The following MCU variants were observed in gnomAD, a reference collection of about 807,000 sequenced individuals.
MCU encodes mitochondrial calcium uniporter.
A neutral mutation model predicts 45.2 loss-of-function variants in MCU; 12 were observed. The observed-to-expected ratio is 0.27, with a 90% CI of 0.17 to 0.43. The LOEUF is 0.43. Ranked by LOEUF, MCU falls within the 20% of genes least tolerant of loss-of-function variation. The pLI, the probability that MCU is intolerant of heterozygous loss-of-function variation, is 1.00. For synonymous variants in MCU, 160 were observed against 165.1 expected, an observed-to-expected ratio of 0.97 and a Z score of 0.24; for missense variants, 324 against 436.7, an observed-to-expected ratio of 0.74 and a Z score of 2.30.
chr10:72,693,197 TGTGA>T (rs1371847603), intron 1 of MCU: 291 of 840,722 alleles, frequency 3.5e-4, no homozygotes, highest in East Asian at 8.3e-4. Context: ...TGTGTGTGTG[TGTGA>T]GAGAGAGAGA....
chr10:72,786,778 A>C (rs1453639075), intron 1 of MCU, among the ~76,000 whole-genome samples: 1 of 152,064 alleles, frequency 6.6e-6, no homozygotes, highest in East Asian at 1.9e-4. Context: ...TAAATAAATA[A>C]AGTATTTTGA....
intron 1 of MCU, among the ~76,000 whole-genome samples, chr10:72,711,408 A>G (rs937101996): frequency 2.6e-5 from 4 of 151,704 alleles, no homozygotes; most frequent in African/African-American, 9.7e-5. Context: ...TTCAGTAGAC[A>G]TGAGGTTTTG....
At chr10:72,733,888 G>A (rs1443575940) in intron 1 of MCU, among the ~76,000 whole-genome samples, 2 of 151,464 alleles carry the variant, frequency 1.3e-5, no homozygotes, top group African/African-American at 4.8e-5. Flanking sequence ...GCTTATTGGA[G>A]AAAATTTGGA....
chr10:72,747,914 GGAAA>G (rs1286199995), intron 1 of MCU, among the ~76,000 whole-genome samples: 1 of 151,410 alleles, frequency 6.6e-6, no homozygotes, highest in Non-Finnish European at 1.5e-5. Flanking sequence ...TTTAAAAAGT[GGAAA>G]GAAACAAGTA....
chr10:72,708,610 A>T (rs1842852401), intron 1 of MCU, among the ~76,000 whole-genome samples: 1 of 152,114 alleles, frequency 6.6e-6, no homozygotes, highest in Admixed American at 6.6e-5. Flanking sequence ...AATGAGAGTC[A>T]AATAGTCCTG....
chr10:72,742,723 A>C (rs567702134), intron 1 of MCU, among the ~76,000 whole-genome samples: 1 of 152,176 alleles, frequency 6.6e-6, no homozygotes, highest in African/African-American at 2.4e-5. Context: ...TATGTGGCCC[A>C]TGGGCAGGGG....
At chr10:72,879,026 G>C (rs1390989736) in intron 6 of MCU, among the ~76,000 whole-genome samples, 1 of 152,206 alleles carries the variant, frequency 6.6e-6, no homozygotes, top group Non-Finnish European at 1.5e-5. Context: ...CACTTTGGGA[G>C]CCCAAGGTGG....
intron 2 of MCU, among the ~76,000 whole-genome samples, chr10:72,834,929 G>C (rs563997409): frequency 3.3e-4 from 50 of 152,182 alleles, no homozygotes; most frequent in Admixed American, 9.8e-4. Flanking sequence ...TGGGATTATA[G>C]GCATGAGCCA....
rs114639271 is a variant in MCU at position 72,778,678 on chromosome 10, C to T, written c.151-55681C>T. Reference sequence around the variant, plus strand: ...CAATATTCATAATTAAAATGTCCCACAGGCATTAAAAAATATCATGCATGG... The same window carrying T: ...CAATATTCATAATTAAAATGTCCCATAGGCATTAAAAAATATCATGCATGG... On this transcript the variant is annotated intron_variant, in intron 1 of 7. Transcript: ENST00000373053. Among the ~76,000 whole-genome samples the T allele has an allele frequency of 3.9e-3, 599 of 152,220 alleles. 2 individuals are homozygous for T. The highest frequency in any genetic ancestry group is 0.014 in the African/African-American group (571 of 41,524).
Position 72,884,389 on chromosome 10 carries a change from T to A in MCU, c.978+7T>A. The A allele has an allele frequency of 6.7e-7, 1 of 1,487,274 alleles. No individual in the cohort carries two copies. The highest frequency in any genetic ancestry group is 9.4e-7 in the Non-Finnish European group (1 of 1,066,158). 92.1% of individuals were successfully genotyped at this position (1,487,274 alleles called of 1,614,324 possible). A position where few individuals can be genotyped will look rare whatever the true frequency, so the allele number is the denominator to read the frequency against. The stretch of plus-strand genomic sequence containing the variant: ...CAAGGATGCAATTGCTCAGGTAAGT[T>A]TTACAAAAATTAAAATAAATCCCAG... On this transcript the variant is annotated splice_region_variant and intron_variant, in intron 7 of 7. Coordinates refer to ENST00000373053, the MANE Select transcript of MCU (RefSeq NM_138357.3).
intron 1 of MCU, among the ~76,000 whole-genome samples, chr10:72,705,942 C>T (rs372336781): frequency 6.6e-6 from 1 of 151,946 alleles, no homozygotes; most frequent in East Asian, 1.9e-4. Flanking sequence ...GAGATCAAAC[C>T]ACAACACTCC....
At position 72,852,529 on chromosome 10, in the gene MCU, C is replaced by T. The variant is rs528495606; in HGVS notation, c.221-6648C>T. On this transcript the variant is annotated intron_variant, in intron 2 of 7. Coordinates refer to ENST00000373053, the MANE Select transcript of MCU (RefSeq NM_138357.3). ...TATCTGAAACAACTGTTTTCAGACA[C>T]TGGACAATAGGCACACAGGACTGTG... 7.2e-5 allele frequency among the ~76,000 whole-genome samples: 11 copies of T among 152,332 alleles called. No homozygotes were observed. The East Asian group carries it at 2.1e-3, about 29-fold the overall frequency.
At chr10:72,814,235 T>C (rs1844591140) in intron 1 of MCU, among the ~76,000 whole-genome samples, 1 of 152,206 alleles carries the variant, frequency 6.6e-6, no homozygotes, top group Non-Finnish European at 1.5e-5. Flanking sequence ...CATGGAAGTC[T>C]TTTATAGTAT....
chr10:72,872,253 A>T (rs1166784053), intron 6 of MCU, among the ~76,000 whole-genome samples: 1 of 149,058 alleles, frequency 6.7e-6, no homozygotes, highest in Non-Finnish European at 1.5e-5. Context: ...AACATGTATT[A>T]TTTTTTTTTT....
At chr10:72,796,454 C>G (rs1354781335) in intron 1 of MCU, among the ~76,000 whole-genome samples, 1 of 152,146 alleles carries the variant, frequency 6.6e-6, no homozygotes, top group Non-Finnish European at 1.5e-5. Context: ...AACAAAAAAC[C>G]TTTAAAACAA....
intron 1 of MCU, among the ~76,000 whole-genome samples, chr10:72,805,802 G>A (rs1844439829): frequency 6.6e-6 from 1 of 152,132 alleles, no homozygotes; most frequent in African/African-American, 2.4e-5. Flanking sequence ...TCTAGTAGAT[G>A]AACAAACACT....
intron 6 of MCU, among the ~76,000 whole-genome samples, chr10:72,879,384 G>A (rs1331774357): frequency 1.3e-5 from 2 of 152,206 alleles, no homozygotes; most frequent in South Asian, 2.1e-4. Flanking sequence ...TGCCTTCAAA[G>A]GAGTCCCTGT....
chr10:72,818,424 TTTACCATACCCTGA>T (rs1189879549), intron 1 of MCU, among the ~76,000 whole-genome samples: 18 of 152,234 alleles, frequency 1.2e-4, no homozygotes, highest in Non-Finnish European at 2.4e-4. Context: ...CTTGAACTCT[TTTACCATACCCTGA>T]TTGTAGAACT....
intron 1 of MCU, among the ~76,000 whole-genome samples, chr10:72,699,092 C>T (rs929543665): frequency 2.4e-4 from 37 of 152,272 alleles, no homozygotes; most frequent in East Asian, 1.4e-3. Context: ...GGTGAGCCAC[C>T]GTGCCCGGAC....
Sources: allele counts gnomAD v4.1 joint callset (sites outside exome capture counted in the v4.1 genomes callset), GRCh38; gene constraint gnomAD v4.1.1; transcripts MANE v1.5; gene names NCBI Gene and HGNC (gene_info 2026-07-23, HGNC 2026-07-21).